The following RGPD4 variants were observed in gnomAD, a reference collection of about 807,000 sequenced individuals.
RGPD4 encodes ranBP2-like and GRIP domain-containing protein 4.
In RGPD4, 84 loss-of-function variants were observed where a neutral mutation model predicts 141.1. The ratio of observed to expected loss-of-function variants is 0.60; its 90% CI spans 0.50 to 0.71. The LOEUF (loss-of-function observed/expected upper bound fraction) is 0.71, where lower values mean the gene tolerates loss of function less well. Among genes scored for constraint, RGPD4 ranks in the 30% least tolerant of loss-of-function variants. RGPD4 has a pLI of 0.00. For missense variants in RGPD4, 918 were observed against 1,622.4 expected, an observed-to-expected ratio of 0.57 and a Z score of 7.46; for synonymous variants, 298 against 566.8, an observed-to-expected ratio of 0.53 and a Z score of 6.74.
chr2:107,883,375 T>C (rs1260812549), intron 22 of RGPD4, among the ~76,000 whole-genome samples: 4 of 151,570 alleles, frequency 2.6e-5, no homozygotes, highest in Non-Finnish European at 5.9e-5. Context: ...TTCATGCCTA[T>C]AATCCCACCA....
Position 107,861,605 on chromosome 2 carries a change from G to A in RGPD4, c.2070G>A (p.Arg690=), listed in dbSNP as rs576764164. 6.2e-7 allele frequency: 1 copy of A among 1,610,558 alleles called. No homozygotes were observed. Among genetic ancestry groups the A allele is most frequent in the Non-Finnish European group, 8.5e-7 (1 of 1,179,516 alleles). The change falls in exon 15 of 23, where the codon AGG becomes AGA. Residue 690 remains arginine, a synonymous_variant. Transcript: ENST00000408999. ...CATTATTTGTATAGATTTTTCACAGGAAGGCAGAAGACATTGCAAATGATG... is the reference window on the plus strand; with the variant it reads ...CATTATTTGTATAGATTTTTCACAGAAAGGCAGAAGACATTGCAAATGATG... ...SYWNLALIFH[R]KAEDIANDAL...
chr2:107,854,821 A>C (rs917018587), intron 8 of RGPD4, among the ~76,000 whole-genome samples, 178 bp downstream of exon 8: 1 of 152,014 alleles, frequency 6.6e-6, no homozygotes, highest in East Asian at 1.9e-4. Flanking sequence ...CATTCTTTTA[A>C]AAAAATGAAT....
At chr2:107,869,757 A>T (rs1172790007) in intron 18 of RGPD4, 126 bp from the exon 19 acceptor site, 5 of 790,038 alleles carry the variant, frequency 6.3e-6, no homozygotes, top group Non-Finnish European at 9.4e-6. Context: ...ACAGAAATTT[A>T]AAATTTATGT....
At chr2:107,884,851 A>G (rs11544949) in intron 22 of RGPD4, among the ~76,000 whole-genome samples, 1 of 151,962 alleles carries the variant, frequency 6.6e-6, no homozygotes, top group Non-Finnish European at 1.5e-5. Context: ...ATTTTTAGCA[A>G]TTTGTTGCTG....
intron 1 of RGPD4, among the ~76,000 whole-genome samples, chr2:107,830,363 T>A (rs1354095147): frequency 4.0e-5 from 6 of 148,566 alleles, no homozygotes; most frequent in East Asian, 2.0e-4. Context: ...AAAAAAAGCA[T>A]GTTTAGAGCC....
rs761395066 is a variant in RGPD4, at chr2:107,880,060, C to G, written c.5017C>G (p.Leu1673Val). 1.4e-5 allele frequency: 23 copies of G among 1,611,224 alleles called. No individual in the cohort carries two copies. Among genetic ancestry groups the G allele is most frequent in the Non-Finnish European group, 1.9e-5 (22 of 1,179,840 alleles). Reference protein sequence around the residue: ...TKSADHLNGLLREAEATSAVL... With the variant: ...TKSADHLNGLVREAEATSAVL... Reference sequence around the variant, plus strand: ...AAGTGCAGATCACTTAAACGGCCTGCTTCGGGAAGCAGAGGCAACCAGTGC... The same window carrying G: ...AAGTGCAGATCACTTAAACGGCCTGGTTCGGGAAGCAGAGGCAACCAGTGC... The change falls in exon 21 of 23, where the codon CTT becomes GTT. Residue 1673 changes from leucine to valine, a missense_variant. Physicochemically the swap from Leu to Val is conservative, Grantham distance 32 (BLOSUM62 1). Transcript: ENST00000408999.
At position 107,882,662 on chromosome 2, in the gene RGPD4, C is replaced by G. The variant is rs764309026; in HGVS notation, c.5065-10C>G. On this transcript the variant is annotated splice_polypyrimidine_tract_variant and intron_variant, in intron 21 of 22. Transcript: ENST00000408999. ...TAAAGCCCATTTTTAACTCATTTCT[C>G]TAACACCAGCTTCTCAAAAGTGAAA... The G allele has an allele frequency of 1.9e-6, 3 of 1,610,690 alleles. No homozygotes were observed. The highest frequency in any genetic ancestry group is 1.7e-6 in the Non-Finnish European group (2 of 1,179,766).
chr2:107,829,524 T>C (rs1397720568), intron 1 of RGPD4, among the ~76,000 whole-genome samples: 1 of 137,590 alleles, frequency 7.3e-6, no homozygotes, highest in Non-Finnish European at 1.6e-5. Context: ...TGGCGCGCTC[T>C]GTTGAGGCGG....
chr2:107,836,519 T>G (rs2104409251), intron 1 of RGPD4, 83 bp from the exon 2 acceptor site: 1 of 1,243,330 alleles, frequency 8.0e-7, no homozygotes, highest in South Asian at 1.4e-5. Context: ...GAACATAAAC[T>G]TAGGGCAGAT....
chr2:107,874,769 A>T (rs1683042181), intron 20 of RGPD4, among the ~76,000 whole-genome samples: 1 of 151,344 alleles, frequency 6.6e-6, no homozygotes, highest in East Asian at 1.9e-4. Flanking sequence ...TTTAGACATG[A>T]GTAAACTGTG....
chr2:107,845,623 A>C (rs1190742436), intron 6 of RGPD4, among the ~76,000 whole-genome samples: 3 of 152,268 alleles, frequency 2.0e-5, no homozygotes, highest in African/African-American at 4.8e-5. Flanking sequence ...ATCAGGACTC[A>C]TGGGCCCTTT....
chr2:107,882,487 A>G (rs1380133260), intron 21 of RGPD4, among the ~76,000 whole-genome samples, 185 bp from the exon 22 acceptor site: 1 of 150,196 alleles, frequency 6.7e-6, no homozygotes, highest in Non-Finnish European at 1.5e-5. Context: ...TTATACGGTG[A>G]TGTCATAAAC....
rs775676659 is a variant in RGPD4, at chr2:107,890,768, C to T, written c.*37C>T. Reference sequence around the variant, plus strand: ...TTCTTCTGGATGGGCATCCTATCTTCGTAGTTGGTTTGGACTTCGATAGGT... The same window carrying T: ...TTCTTCTGGATGGGCATCCTATCTTTGTAGTTGGTTTGGACTTCGATAGGT... On this transcript the variant is annotated 3_prime_UTR_variant, in exon 23 of 23. Transcript: ENST00000408999. 59 of 1,599,732 alleles carry T rather than the reference C, an allele frequency of 3.7e-5. No individual in the cohort carries two copies. The highest frequency in any genetic ancestry group is 6.7e-5 in the East Asian group (3 of 44,690).
chr2:107,833,026 G>C (rs1681547576), intron 1 of RGPD4, among the ~76,000 whole-genome samples: 2 of 150,460 alleles, frequency 1.3e-5, no homozygotes, highest in South Asian at 4.3e-4. Context: ...TTATGTTCCA[G>C]GGGAAGAAGA....
intron 1 of RGPD4, among the ~76,000 whole-genome samples, chr2:107,832,041 C>T (rs1202229120): frequency 6.7e-6 from 1 of 148,254 alleles, no homozygotes; most frequent in Non-Finnish European, 1.5e-5. Flanking sequence ...CCTTGTTGTG[C>T]AGTTTTGTTT....
chr2:107,871,998 G>T lies in RGPD4; in HGVS notation c.3994G>T (p.Gly1332Ter), dbSNP rs962219681. 1.4e-5 allele frequency: 23 copies of T among 1,611,394 alleles called. No individual in the cohort carries two copies. In the African/African-American group the frequency reaches 1.6e-4, roughly 11 times the overall value. Reference sequence around the variant, plus strand: ...TGTTACTCAAGAAGAAGAGAGAGATGGACAGTACTTTGAACCTGTTGTTCC... The same window carrying T: ...TGTTACTCAAGAAGAAGAGAGAGATTGACAGTACTTTGAACCTGTTGTTCC... The part of the protein sequence containing the change: ...SDVTQEEERD[G>*]QYFEPVVPLP... The change falls in exon 20 of 23, where the codon GGA (glycine) becomes TGA (stop). Residue 1332 changes from glycine (G) to a stop codon, truncating the protein, a stop_gained. Transcript: ENST00000408999. LOFTEE classifies it high-confidence loss of function.
At position 107,879,824 on chromosome 2, in the gene RGPD4, G is replaced by A. The variant is rs1675294702; in HGVS notation, c.4925-144G>A. 1.3e-5 allele frequency: 13 copies of A among 1,027,136 alleles called. No homozygotes were observed. The East Asian group carries it at 3.4e-4, about 27-fold the overall frequency. The allele number at this position is 1,027,136 out of a possible 1,614,324, so 63.6% of individuals were successfully genotyped here. On this transcript the variant is annotated intron_variant, in intron 20 of 22. Transcript: ENST00000408999. ...CTACAACATATAATCTGTTGATTGA[G>A]GTATGCCGAATAGATGAATGGCAAA... is the stretch of plus-strand genomic sequence containing the variant.
At chr2:107,837,067 A>G (rs1681687678) in intron 2 of RGPD4, among the ~76,000 whole-genome samples, 1 of 147,214 alleles carries the variant, frequency 6.8e-6, no homozygotes, top group South Asian at 2.1e-4. Context: ...AGCTTGTATA[A>G]AAGATCTTTA....
intron 8 of RGPD4, 127 bp downstream of exon 8, chr2:107,854,770 G>C: frequency 1.5e-6 from 2 of 1,303,416 alleles, no homozygotes; most frequent in South Asian, 1.5e-5. Flanking sequence ...CGCCGTATCA[G>C]TTAAGAGCAA....
Sources: gnomAD v4.1 joint callset for allele counts (sites outside exome capture counted in the v4.1 genomes callset) on GRCh38, gnomAD v4.1.1 for gene constraint, MANE v1.5 for transcripts, NCBI Gene and HGNC (gene_info 2026-07-23, HGNC 2026-07-21) for gene names.